The following ZFHX3 variants were observed in gnomAD, a reference collection of about 807,000 sequenced individuals.
ZFHX3 encodes the protein zinc finger homeobox 3.
In ZFHX3, 42 loss-of-function variants were observed where a neutral mutation model predicts 279.1. The ratio of observed to expected loss-of-function variants is 0.15; its 90% confidence interval spans 0.12 to 0.19. The LOEUF is 0.19. Ranked by LOEUF, ZFHX3 falls within the 10% of genes least tolerant of loss-of-function variation. ZFHX3 has a pLI of 1.00. For missense variants in ZFHX3, 4,981 were observed against 4,754.0 expected (o/e 1.05, Z -1.40); for synonymous variants, 2,293 against 1,957.8 (o/e 1.17, Z -4.52).
chr16:73,233,170 G>A (rs1018135333), intron 5 of ZFHX3: 1 of 149,216 alleles, frequency 6.7e-6, no homozygotes, highest in Non-Finnish European at 1.5e-5. Context: ...AACACCCGTC[G>A]CTCCGGTGGG....
chr16:72,900,949 G>C (rs1405548394), intron 3 of ZFHX3, among the ~76,000 whole-genome samples: 1 of 152,236 alleles, frequency 6.6e-6, no homozygotes, highest in Non-Finnish European at 1.5e-5. Context: ...TTTTCCCAAA[G>C]AGTATCTTAA....
At chr16:73,000,795 C>T (rs376784335) in intron 1 of ZFHX3, among the ~76,000 whole-genome samples, 4 of 152,204 alleles carry the variant, frequency 2.6e-5, no homozygotes, top group Admixed American at 6.5e-5. Flanking sequence ...CCTTCCTCCA[C>T]GTTCGACACA....
At chr16:72,995,943 C>T (rs1008233770) in intron 1 of ZFHX3, among the ~76,000 whole-genome samples, 5 of 152,188 alleles carry the variant, frequency 3.3e-5, no homozygotes, top group African/African-American at 1.2e-4. Context: ...GAGGCACTGT[C>T]CTATCTTGGT....
In ZFHX3 at chr16:73,821,968, C is replaced by T. The variant is rs573029634; in HGVS notation, c.-1608+69683G>A. Among the ~76,000 whole-genome samples the T allele has an allele frequency of 3.3e-5, 5 of 152,276 alleles. No individual in the cohort carries two copies. In the South Asian group the frequency reaches 1.0e-3, roughly 32 times the overall value. ...CTGATCATTTCTGATGCTTGGCAGC[C>T]CATTCCAAAGGCATCTCCCCCTCTA... On this transcript the variant is annotated intron_variant, in intron 1 of 17. Coordinates refer to the ZFHX3 transcript ENST00000641206.
chr16:73,537,857 G>C (rs915109438), intron 2 of ZFHX3, among the ~76,000 whole-genome samples: 5 of 152,136 alleles, frequency 3.3e-5, no homozygotes, highest in African/African-American at 1.2e-4. Context: ...TGGCTTTTTT[G>C]AAATCCTATG....
At chr16:72,945,512 A>G in intron 3 of ZFHX3, among the ~76,000 whole-genome samples, 1 of 152,174 alleles carries the variant, frequency 6.6e-6, no homozygotes, top group Non-Finnish European at 1.5e-5. Context: ...CTCCAGGAGA[A>G]GGAGGGCATG....
At chr16:73,650,975 A>ACAGT (rs970942891) in intron 2 of ZFHX3, among the ~76,000 whole-genome samples, 1 of 152,244 alleles carries the variant, frequency 6.6e-6, no homozygotes, top group Non-Finnish European at 1.5e-5. Context: ...ATTATAAGGC[A>ACAGT]CAGTTTATAA....
intron 5 of ZFHX3, among the ~76,000 whole-genome samples, chr16:73,155,386 T>A (rs543298230): frequency 2.6e-5 from 4 of 152,174 alleles, no homozygotes; most frequent in South Asian, 4.2e-4. Flanking sequence ...ACAGCAAGGA[T>A]CTTGTTGCCC....
rs559715399 is a variant in ZFHX3 at position 73,301,758 on chromosome 16, C to CTTTTTTT, written c.-1194+16475_-1194+16481dup. Among the ~76,000 whole-genome samples, 235 of 140,102 alleles carry CTTTTTTT rather than the reference C, an allele frequency of 1.7e-3. 3 individuals are homozygous for CTTTTTTT. Among genetic ancestry groups the CTTTTTTT allele is most frequent in the African/African-American group, 5.4e-3 (203 of 37,664 alleles). 91.9% of individuals were successfully genotyped at this position (140,102 alleles called of 152,430 possible). A position where few individuals can be genotyped will look rare whatever the true frequency, so the allele number is the denominator to read the frequency against. The stretch of plus-strand genomic sequence containing the variant: ...ATTTGGAAAAGAAACTTGATTCCAG[C>CTTTTTTT]TTTTTTTTTTTTTTTGTGACAAGCA... On this transcript the variant is annotated intron_variant, in intron 4 of 17. Transcript: ENST00000641206.
chr16:73,020,514 G>A (rs1328607824), intron 1 of ZFHX3, among the ~76,000 whole-genome samples: 1 of 152,170 alleles, frequency 6.6e-6, no homozygotes, highest in Non-Finnish European at 1.5e-5. Context: ...ACAGAAAACG[G>A]GCAACGCGGG....
rs949519325 is a variant in ZFHX3, at chr16:72,978,169, AT to A, written c.-49-17976del. 1.4e-4 allele frequency among the ~76,000 whole-genome samples: 22 copies of A among 152,000 alleles called. No individual in the cohort carries two copies. In the South Asian group the frequency reaches 3.7e-3, roughly 26 times the overall value. On this transcript the variant is annotated intron_variant, in intron 1 of 9. Transcript: ENST00000268489. ...CGTGAGCCACCGCACCCAGCCTGGG[AT>A]TTTTTTTCTTTCTAAGGAACTCTTT...
rs1335684780 is a variant in ZFHX3, at chr16:72,794,856, G to C, written c.7826C>G (p.Ser2609Cys). 1 of 1,613,918 alleles carries C rather than the reference G, an allele frequency of 6.2e-7. No homozygotes were observed. Among genetic ancestry groups the C allele is most frequent in the African/African-American group, 1.3e-5 (1 of 74,914 alleles). ...SSATSPSTPT[S>C]TMNTLKRKLE... ...CTTCCTCTTGAGAGTGTTCATTGTG[G>C]AGGTTGGAGTTGAAGGAGAAGTGGC... Residue 2609 changes from serine to cysteine, a missense_variant, in exon 9 of 10, where the codon TCC becomes TGC. This residue lies in a region of ZFHX3 where 744 missense variants were observed against 701.3 expected (regional missense o/e 1.06). Coordinates refer to ENST00000268489, the MANE Select transcript of ZFHX3 (RefSeq NM_006885.4). The surrounding 1 kb of genome is among the most constrained non-coding windows in gnomAD (Gnocchi z 4.2).
chr16:72,837,093 G>T (rs542993412), intron 4 of ZFHX3, among the ~76,000 whole-genome samples: 1 of 152,202 alleles, frequency 6.6e-6, no homozygotes, highest in Non-Finnish European at 1.5e-5. Context: ...CTCTTCAGTA[G>T]GACCGAAGTG....
At chr16:73,693,304 T>G (rs1026237676) in intron 1 of ZFHX3, among the ~76,000 whole-genome samples, 3 of 152,194 alleles carry the variant, frequency 2.0e-5, no homozygotes, top group African/African-American at 7.2e-5. Flanking sequence ...ACTCTGCATC[T>G]GGGGAATCTG....
chr16:73,761,552 C>T (rs1342834966), intron 1 of ZFHX3, among the ~76,000 whole-genome samples: 5 of 152,114 alleles, frequency 3.3e-5, no homozygotes, highest in Non-Finnish European at 7.4e-5. Flanking sequence ...AACAACAAAG[C>T]TGGAGGTGTC....
intron 1 of ZFHX3, among the ~76,000 whole-genome samples, chr16:73,732,549 A>G (rs1313588786): frequency 6.6e-6 from 1 of 152,246 alleles, no homozygotes; most frequent in African/African-American, 2.4e-5. Context: ...ATTATTAGTC[A>G]TAGTTACATT....
At chr16:72,858,621 A>G (rs537959534) in intron 4 of ZFHX3, among the ~76,000 whole-genome samples, 1 of 152,344 alleles carries the variant, frequency 6.6e-6, no homozygotes, top group East Asian at 1.9e-4. Flanking sequence ...TAATGCTCAT[A>G]AGACTGCTCA....
intron 5 of ZFHX3, among the ~76,000 whole-genome samples, chr16:73,208,346 C>T (rs1023230240): frequency 6.6e-6 from 1 of 152,112 alleles, no homozygotes; most frequent in African/African-American, 2.4e-5. Context: ...GAACATAAAA[C>T]CATGTACACA....
chr16:73,597,253 C>T (rs1362024563), intron 2 of ZFHX3, among the ~76,000 whole-genome samples: 4 of 152,172 alleles, frequency 2.6e-5, no homozygotes, highest in Non-Finnish European at 4.4e-5. Flanking sequence ...CTGATCTTAC[C>T]CTCTGGAAAT....
Sources: allele counts gnomAD v4.1 joint callset (sites outside exome capture counted in the v4.1 genomes callset), GRCh38; gene constraint gnomAD v4.1.1; regional missense constraint gnomAD v4.1.1; non-coding constraint Gnocchi (gnomAD v3.1); transcripts MANE v1.5; gene names NCBI Gene and HGNC (gene_info 2026-07-23, HGNC 2026-07-21).